ITGA7: variants seen among roughly 807,000 people sequenced by gnomAD.
ITGA7 encodes the protein integrin alpha-7.
A neutral mutation model predicts 131.6 loss-of-function variants in ITGA7; 84 were observed. That is an observed-to-expected ratio of 0.64 (90% CI 0.54 to 0.77). ITGA7 has a LOEUF of 0.77. Ranked by LOEUF, ITGA7 falls within the 30% of genes least tolerant of loss-of-function variation. ITGA7 has a pLI of 0.00. For missense variants in ITGA7, 1,399 were observed against 1,482.9 expected (o/e 0.94, Z 0.93); for synonymous variants, 548 against 600.7 (o/e 0.91, Z 1.28).
Position 55,694,705 on chromosome 12 carries a change from G to A in ITGA7, c.2197-10C>T, listed in dbSNP as rs1246901494. On this transcript the variant is annotated splice_polypyrimidine_tract_variant and intron_variant, in intron 15 of 24. Coordinates refer to ENST00000257879, the MANE Select transcript of ITGA7 (RefSeq NM_002206.3). The surrounding 1 kb of genome is among the most constrained non-coding windows in gnomAD (Gnocchi z 5.3). ...GGCAGAGTGGCTTCTCCTGGAATGG[G>A]AGAGAAGGCAAGGTCAGTCTGGGTT... 6.2e-6 allele frequency: 10 copies of A among 1,614,084 alleles called. No homozygotes were observed. The South Asian group carries it at 9.9e-5, about 16-fold the overall frequency.
Position 55,694,382 on chromosome 12 carries a change from G to T in ITGA7, c.2358-52C>A. On this transcript the variant is annotated intron_variant, in intron 17 of 24. Transcript: ENST00000257879. The surrounding 1 kb of genome is among the most constrained non-coding windows in gnomAD (Gnocchi z 5.3). ...GGCATCAGGCACAGGCACCTCCCAA[G>T]GGGTCAGATGAGGTCAATATGACTA... The T allele has an allele frequency of 2.5e-6, 4 of 1,613,018 alleles. No homozygotes were observed. The highest frequency in any genetic ancestry group is 2.5e-6 in the Non-Finnish European group (3 of 1,179,226).
chr12:55,712,305 T>C, upstream of ITGA7: 1 of 1,461,142 alleles, frequency 6.8e-7, no homozygotes, highest in Non-Finnish European at 9.4e-7. Context: ...CTTTGAGCAC[T>C]GGCTTCAGGC....
upstream of ITGA7, chr12:55,712,373 T>C: frequency 1.3e-6 from 1 of 784,142 alleles, no homozygotes; most frequent in Non-Finnish European, 2.2e-6. Context: ...CCCAGCCAGA[T>C]CTCCCAGTAT....
chr12:55,707,430 G>A, intron 1 of ITGA7, 47 bp downstream of exon 1: 1 of 1,482,684 alleles, frequency 6.7e-7, no homozygotes, highest in Non-Finnish European at 9.4e-7. Flanking sequence ...GGAGGGGGAC[G>A]ATCTGTGGCT....
chr12:55,710,108 C>T (rs1454392364), upstream of ITGA7, among the ~76,000 whole-genome samples: 1 of 152,188 alleles, frequency 6.6e-6, no homozygotes, highest in South Asian at 2.1e-4. Flanking sequence ...CGCCTATAAT[C>T]CCAGCACTTT....
intron 22 of ITGA7, 60 bp from the exon 23 acceptor site, chr12:55,688,360 T>C: frequency 8.6e-7 from 1 of 1,160,302 alleles, no homozygotes; most frequent in Non-Finnish European, 1.3e-6. Flanking sequence ...TCCCTTCCCC[T>C]TACCTCCTGA....
rs984557410 is a variant in ITGA7 at position 55,699,910 on chromosome 12, G to A, written c.750C>T (p.Leu250=). The A allele has an allele frequency of 3.1e-6, 5 of 1,613,488 alleles. No individual in the cohort carries two copies. The Admixed American group carries it at 6.7e-5, about 22-fold the overall frequency. Residue 250 remains leucine, a synonymous_variant, in exon 5 of 25, where the codon CTC becomes CTT. Transcript: ENST00000257879. ...GGGCCAAGTCTCCGGCTGGTCCTGGGAGCCGGTCAGCAGGGTCCAAAGTTT... is the reference window on the plus strand; with the variant it reads ...GGGCCAAGTCTCCGGCTGGTCCTGGAAGCCGGTCAGCAGGGTCCAAAGTTT... ...VYKTLDPADR[L]PGPAGDLALN...
intron 19 of ITGA7, 113 bp from the exon 20 acceptor site, chr12:55,693,430 G>A: frequency 1.0e-6 from 1 of 966,838 alleles, no homozygotes; most frequent in South Asian, 1.5e-5. Flanking sequence ...TAACTCCTGG[G>A]CTCAAGTGAT....
At chr12:55,692,191 T>A (rs1871561091) in intron 21 of ITGA7, among the ~76,000 whole-genome samples, 1 of 152,194 alleles carries the variant, frequency 6.6e-6, no homozygotes, top group South Asian at 2.1e-4. Flanking sequence ...GGCAGACAGA[T>A]CGCTCGAGGT....
intron 22 of ITGA7, 34 bp from the exon 23 acceptor site, chr12:55,688,334 A>T: frequency 7.0e-7 from 1 of 1,434,722 alleles, no homozygotes; most frequent in East Asian, 2.3e-5. Context: ...CTTCTCCTAA[A>T]TGCCCCATGT....
chr12:55,700,592 G>A (rs567554451), intron 4 of ITGA7: 92 of 659,766 alleles, frequency 1.4e-4, no homozygotes, highest in South Asian at 9.1e-4. Context: ...CAGCAGCAGC[G>A]TGCGGAGACG....
chr12:55,695,088 T>G (rs1457702903), intron 14 of ITGA7, 118 bp from the exon 15 acceptor site: 1 of 1,001,484 alleles, frequency 1.0e-6, no homozygotes, highest in African/African-American at 1.6e-5. Context: ...CCACCCCAGG[T>G]CCCCATCACA....
intron 5 of ITGA7, 48 bp downstream of exon 5, chr12:55,699,822 G>A (rs746953362): frequency 6.4e-7 from 1 of 1,573,198 alleles, no homozygotes; most frequent in African/African-American, 1.3e-5. Context: ...GGGAAGGAGG[G>A]GAGGCTGGGC....
Position 55,702,986 on chromosome 12 carries a change from G to A in ITGA7, c.335-35C>T, listed in dbSNP as rs751460123. 30 of 1,613,426 alleles carry A rather than the reference G, an allele frequency of 1.9e-5. No homozygotes were observed. In the Middle Eastern group the frequency reaches 1.3e-3, roughly 71 times the overall value. On this transcript the variant is annotated intron_variant, in intron 2 of 24. Transcript: ENST00000257879. ...GGACACTGGGAATTAGGGGAGGGAA[G>A]AGGAGCCCAAGTCCTCTCCTCCCCG...
chr12:55,686,935 G>T (rs1196269521), intron 24 of ITGA7, among the ~76,000 whole-genome samples: 1 of 152,044 alleles, frequency 6.6e-6, no homozygotes, highest in Non-Finnish European at 1.5e-5. Flanking sequence ...CCACGACTTT[G>T]CCTACCATGG....
chr12:55,688,744 G>GT, intron 22 of ITGA7, 100 bp downstream of exon 22: 2 of 880,292 alleles, frequency 2.3e-6, no homozygotes. Flanking sequence ...AAAGGGGGGG[G>GT]ATGCTGCATT....
Position 55,694,474 on chromosome 12 carries a change from T to C in ITGA7, c.2326A>G (p.Thr776Ala). The C allele has an allele frequency of 1.9e-6, 3 of 1,614,192 alleles. No individual in the cohort carries two copies. The highest frequency in any genetic ancestry group is 1.1e-5 in the South Asian group (1 of 91,084). ...LSTSGISIET[T>A]ELEVELLLAT... is the part of the protein sequence containing the mutation. ...AACAGCAGCTCTACCTCCAGTTCCGTGGTCTCAATGCTGATCCCGGAGGTG... is the reference window on the plus strand; with the variant it reads ...AACAGCAGCTCTACCTCCAGTTCCGCGGTCTCAATGCTGATCCCGGAGGTG... Residue 776 changes from threonine to alanine, a missense_variant, in exon 17 of 25, where the codon ACG becomes GCG. By Grantham distance (58) the Thr-to-Ala change is moderately conservative (BLOSUM62 0). Coordinates refer to ENST00000257879, the MANE Select transcript of ITGA7 (RefSeq NM_002206.3). The surrounding 1 kb of genome is among the most constrained non-coding windows in gnomAD (Gnocchi z 5.3).
intron 24 of ITGA7, among the ~76,000 whole-genome samples, chr12:55,685,899 C>T (rs1870001213): frequency 6.6e-6 from 1 of 152,212 alleles, no homozygotes; most frequent in African/African-American, 2.4e-5. Flanking sequence ...GACTGCATGG[C>T]ATCTCCTTAC....
rs776726389 is a variant in ITGA7 at position 55,700,963 on chromosome 12, A to G, written c.606T>C (p.Ala202=). ...AGTGGCTATCAGGGGAGAAGGCGGC[A>G]GCTGTGCCCTGCTGGCAGAACCCAA... The part of the protein sequence containing the change: ...EQFGFCQQGT[A]AAFSPDSHYL... The change falls in exon 4 of 25, where the codon GCT becomes GCC. Residue 202 remains alanine (A), a synonymous_variant. Coordinates refer to ENST00000257879, the MANE Select transcript of ITGA7 (RefSeq NM_002206.3). 3 of 1,614,114 alleles carry G rather than the reference A, an allele frequency of 1.9e-6. No homozygotes were observed. The East Asian group carries it at 6.7e-5, about 36-fold the overall frequency.
Sources: gnomAD v4.1 joint callset for allele counts (sites outside exome capture counted in the v4.1 genomes callset) on GRCh38, gnomAD v4.1.1 for gene constraint, Gnocchi (gnomAD v3.1) non-coding constraint, MANE v1.5 for transcripts, NCBI Gene and HGNC (gene_info 2026-07-23, HGNC 2026-07-21) for gene names.